Variants in FGF14 observed in about 807,000 individuals in gnomAD.
FGF14 encodes fibroblast growth factor homologous factor 4.
Under a neutral mutation model 25.5 loss-of-function variants are expected in FGF14, and 5 were observed. That is an observed-to-expected ratio of 0.20 (90% CI 0.10 to 0.41). The LOEUF (loss-of-function observed/expected upper bound fraction) is 0.41. Ranked by LOEUF, FGF14 falls within the 10% of genes least tolerant of loss-of-function variation. The pLI is 1.00. For missense variants in FGF14, 222 were observed against 320.1 expected (o/e 0.69, Z 2.34); for synonymous variants, 138 against 118.3 (o/e 1.17, Z -1.08).
intron 1 of FGF14, among the ~76,000 whole-genome samples, chr13:101,937,772 GT>G: frequency 6.6e-6 from 1 of 152,108 alleles, no homozygotes; most frequent in Middle Eastern, 3.4e-3. Flanking sequence ...GCTATTTTTT[GT>G]ATTTTTAGTA....
intron 1 of FGF14, among the ~76,000 whole-genome samples, chr13:102,360,258 A>G (rs1043445201): frequency 6.6e-6 from 1 of 152,204 alleles, no homozygotes; most frequent in African/African-American, 2.4e-5. Context: ...TTTTAAAACT[A>G]TGGCATAGCA....
At chr13:102,205,600 T>C (rs2049869614) in intron 1 of FGF14, among the ~76,000 whole-genome samples, 2 of 151,910 alleles carry the variant, frequency 1.3e-5, no homozygotes, top group South Asian at 4.2e-4. Context: ...AAGAAATTGA[T>C]AGCCTGGTAT....
intron 1 of FGF14, among the ~76,000 whole-genome samples, chr13:101,885,572 G>T (rs994888204): frequency 3.3e-5 from 5 of 152,134 alleles, no homozygotes; most frequent in Admixed American, 6.6e-5. Flanking sequence ...GAATGGCATA[G>T]GTAGCCACTG....
intron 1 of FGF14, among the ~76,000 whole-genome samples, chr13:102,374,614 A>G (rs1044923384): frequency 3.7e-5 from 5 of 136,124 alleles, no homozygotes; most frequent in Non-Finnish European, 7.8e-5. Flanking sequence ...GTGATATTTC[A>G]CATATTTTTT....
chr13:101,926,150 G>A (rs985505580), intron 1 of FGF14, among the ~76,000 whole-genome samples: 2 of 152,176 alleles, frequency 1.3e-5, no homozygotes, highest in East Asian at 3.9e-4. Flanking sequence ...GCAGGGATAA[G>A]GATATGGGCA....
At chr13:102,204,479 C>T (rs2049814362) in intron 1 of FGF14, among the ~76,000 whole-genome samples, 1 of 152,164 alleles carries the variant, frequency 6.6e-6, no homozygotes, top group African/African-American at 2.4e-5. Flanking sequence ...GGGCATGGCC[C>T]ATATATATGG....
intron 1 of FGF14, among the ~76,000 whole-genome samples, chr13:101,938,340 G>A (rs2035238766): frequency 6.6e-6 from 1 of 152,222 alleles, no homozygotes; most frequent in South Asian, 2.1e-4. Flanking sequence ...TACCAAGAAT[G>A]ATTTCTCTTT....
intron 1 of FGF14, among the ~76,000 whole-genome samples, chr13:102,249,097 C>T (rs534068260): frequency 1.3e-5 from 2 of 152,174 alleles, no homozygotes; most frequent in South Asian, 4.2e-4. Flanking sequence ...GACATAAACC[C>T]GGAAACGTGA....
At chr13:101,874,809 A>G (rs2045306686) in intron 2 of FGF14, among the ~76,000 whole-genome samples, 1 of 152,144 alleles carries the variant, frequency 6.6e-6, no homozygotes. Context: ...AGGCATCGTT[A>G]AGAACCTCAG....
intron 1 of FGF14, among the ~76,000 whole-genome samples, chr13:101,998,575 ATTTTG>A (rs1166656030): frequency 6.6e-6 from 1 of 152,126 alleles, no homozygotes; most frequent in Admixed American, 6.5e-5. Context: ...TATTAGTTGG[ATTTTG>A]TTTTGTGATT....
intron 3 of FGF14, among the ~76,000 whole-genome samples, chr13:101,766,852 AGGAATGCCAG>A (rs1021378033): frequency 2.6e-5 from 4 of 152,210 alleles, no homozygotes; most frequent in African/African-American, 9.6e-5. Context: ...CTACAAGCCA[AGGAATGCCAG>A]GCACCTCCTG....
Position 102,223,494 on chromosome 13 carries a change from G to C in FGF14, c.208+177977C>G, listed in dbSNP as rs534279984. ...TTAAGAAGGACTAGAATTTTGTTAG[G>C]CTCCCTCTTATTTAGATTTGATATG... On this transcript the variant is annotated intron_variant, in intron 1 of 4. Coordinates refer to the FGF14 transcript ENST00000376131. Among the ~76,000 whole-genome samples, 95 of 152,194 alleles carry C rather than the reference G, an allele frequency of 6.2e-4. 2 individuals are homozygous for C. The highest frequency in any genetic ancestry group is 7.7e-4 in the East Asian group (4 of 5,184).
chr13:101,799,173 G>T (rs1002595680), intron 3 of FGF14, among the ~76,000 whole-genome samples: 1 of 152,030 alleles, frequency 6.6e-6, no homozygotes, highest in African/African-American at 2.4e-5. Context: ...TTTACCTGAA[G>T]TCCATTTGGG....
At chr13:102,110,461 C>T (rs1344426371) in intron 1 of FGF14, among the ~76,000 whole-genome samples, 6 of 152,166 alleles carry the variant, frequency 3.9e-5, no homozygotes, top group African/African-American at 1.4e-4. Flanking sequence ...ATGGCCGCAA[C>T]TTGTTTTTGT....
chr13:102,350,073 C>A (rs1026363835), intron 1 of FGF14, among the ~76,000 whole-genome samples: 21 of 152,300 alleles, frequency 1.4e-4, no homozygotes, highest in Middle Eastern at 3.4e-3. Context: ...CTTGTGAAAA[C>A]ATTCATTAAT....
chr13:102,227,287 G>C (rs2050867579), intron 1 of FGF14, among the ~76,000 whole-genome samples: 1 of 151,946 alleles, frequency 6.6e-6, no homozygotes, highest in Non-Finnish European at 1.5e-5. Flanking sequence ...GAATGTCCTA[G>C]CCTATCCACC....
chr13:102,361,605 C>T (rs2057567696), intron 1 of FGF14, among the ~76,000 whole-genome samples: 1 of 152,164 alleles, frequency 6.6e-6, no homozygotes, highest in South Asian at 2.1e-4. Context: ...CCGTTTGCCA[C>T]TCCCTCCTTA....
At chr13:102,048,454 C>G (rs2042086338) in intron 1 of FGF14, among the ~76,000 whole-genome samples, 1 of 152,008 alleles carries the variant, frequency 6.6e-6, no homozygotes. Context: ...GTTTTATGCC[C>G]ACAACATTTG....
At chr13:102,284,948 CCT>C (rs2054021626) in intron 1 of FGF14, among the ~76,000 whole-genome samples, 1 of 151,750 alleles carries the variant, frequency 6.6e-6, no homozygotes, top group Non-Finnish European at 1.5e-5. Flanking sequence ...TCTCTCCCTC[CCT>C]CTTTCTCTTT....
Sources: gnomAD v4.1 joint callset for allele counts (sites outside exome capture counted in the v4.1 genomes callset) on GRCh38, gnomAD v4.1.1 for gene constraint, MANE v1.5 for transcripts, NCBI Gene and HGNC (gene_info 2026-07-23, HGNC 2026-07-21) for gene names.